Variants in ARHGEF3 observed in about 807,000 individuals in gnomAD.
ARHGEF3 encodes 59.8 kDA protein.
A neutral mutation model predicts 63.2 loss-of-function variants in ARHGEF3; 28 were observed. The observed-to-expected ratio is 0.44, with a 90% confidence interval of 0.33 to 0.61. The LOEUF (loss-of-function observed/expected upper bound fraction) is 0.61, where lower values mean the gene tolerates loss of function less well. Among genes scored for constraint, ARHGEF3 ranks in the 20% least tolerant of loss-of-function variants. The pLI is 0.03. For missense variants in ARHGEF3, 533 were observed against 659.3 expected, an observed-to-expected ratio of 0.81 and a Z score of 2.10; for synonymous variants, 266 against 254.2, an observed-to-expected ratio of 1.05 and a Z score of -0.44.
chr3:56,950,824 G>T (rs1348545828), intron 3 of ARHGEF3, among the ~76,000 whole-genome samples: 1 of 151,986 alleles, frequency 6.6e-6, no homozygotes, highest in Non-Finnish European at 1.5e-5. Context: ...AAAGACACAT[G>T]CACACGTATG....
chr3:56,922,006 A>C (rs2042155282), intron 3 of ARHGEF3, among the ~76,000 whole-genome samples: 1 of 152,098 alleles, frequency 6.6e-6, no homozygotes, highest in African/African-American at 2.4e-5. Flanking sequence ...ACAAATCTGA[A>C]CTTTTATAAC....
At chr3:56,853,526 G>A (rs771591459) in intron 4 of ARHGEF3, among the ~76,000 whole-genome samples, 23 of 152,102 alleles carry the variant, frequency 1.5e-4, no homozygotes, top group Non-Finnish European at 2.8e-4. Context: ...TAGTAGAGAC[G>A]GGGTTTCACT....
chr3:56,828,339 G>A lies in ARHGEF3; in HGVS notation c.192+53953C>T, dbSNP rs1011236573. 3.3e-5 allele frequency among the ~76,000 whole-genome samples: 5 copies of A among 152,240 alleles called. No homozygotes were observed. In the East Asian group the frequency reaches 9.7e-4, roughly 29 times the overall value. On this transcript the variant is annotated intron_variant, in intron 4 of 12. Transcript: ENST00000338458. ...TCATGAGGTCAGGAATTCGAGACCA[G>A]CCTGGCCAACATGGTGAAACCCTGT...
rs937506602 is a variant in ARHGEF3 at position 56,742,760 on chromosome 3, A to G, written c.870+2445T>C. ...TTCAAATGCAGGTATACCATGTTTC[A>G]TGCACAGATCTGCCTGAATAACTAG... On this transcript the variant is annotated intron_variant, in intron 7 of 9. Coordinates refer to ENST00000296315, the MANE Select transcript of ARHGEF3 (RefSeq NM_019555.3). 4.6e-5 allele frequency among the ~76,000 whole-genome samples: 7 copies of G among 152,232 alleles called. No homozygotes were observed. In the East Asian group the frequency reaches 1.2e-3, roughly 25 times the overall value.
At chr3:56,745,521 CG>C (rs2034323822) in intron 6 of ARHGEF3, 59 bp from the exon 7 acceptor site, 2 of 1,575,522 alleles carry the variant, frequency 1.3e-6, no homozygotes, top group African/African-American at 2.7e-5. Flanking sequence ...TCTGAGGCTA[CG>C]GTGGCATCAT....
At chr3:56,746,324 T>C (rs530984711) in intron 6 of ARHGEF3, among the ~76,000 whole-genome samples, 2 of 152,352 alleles carry the variant, frequency 1.3e-5, no homozygotes, top group Admixed American at 1.3e-4. Context: ...CTCACTACTT[T>C]GCATTGGGCC....
At chr3:56,953,176 C>G (rs534355956) in intron 3 of ARHGEF3, among the ~76,000 whole-genome samples, 1 of 152,196 alleles carries the variant, frequency 6.6e-6, no homozygotes, top group Admixed American at 6.5e-5. Context: ...GCTTCTTTTG[C>G]AGTGTAGAGA....
intron 2 of ARHGEF3, among the ~76,000 whole-genome samples, chr3:56,965,111 C>G (rs969438487): frequency 3.3e-5 from 5 of 152,058 alleles, no homozygotes; most frequent in African/African-American, 1.2e-4. Flanking sequence ...TTTAATTAAC[C>G]AGGCATGGTA....
At chr3:56,743,350 A>C (rs1410148594) in intron 7 of ARHGEF3, among the ~76,000 whole-genome samples, 3 of 152,238 alleles carry the variant, frequency 2.0e-5, no homozygotes, top group Non-Finnish European at 4.4e-5. Flanking sequence ...CAAAGGCAAC[A>C]GAAACTCAAA....
At chr3:57,038,652 C>G (rs1400525492) in intron 1 of ARHGEF3, among the ~76,000 whole-genome samples, 1 of 152,076 alleles carries the variant, frequency 6.6e-6, no homozygotes, top group African/African-American at 2.4e-5. Context: ...GCTATGTTGC[C>G]CAGGCTGGTC....
chr3:56,876,031 T>C (rs372512110), intron 4 of ARHGEF3, among the ~76,000 whole-genome samples: 1 of 151,790 alleles, frequency 6.6e-6, no homozygotes, highest in Non-Finnish European at 1.5e-5. Flanking sequence ...GAGCTAGATA[T>C]GAAGGGTAAG....
intron 7 of ARHGEF3, 77 bp downstream of exon 7, chr3:56,745,128 A>G (rs955862518): frequency 6.5e-7 from 1 of 1,528,040 alleles, no homozygotes; most frequent in Non-Finnish European, 8.9e-7. Context: ...GGACTCTTCC[A>G]TTCACCCACT....
At chr3:56,916,203 A>G in intron 3 of ARHGEF3, 1 of 1,392,656 alleles carries the variant, frequency 7.2e-7, no homozygotes, top group South Asian at 1.5e-5. Context: ...TTGGAAGGTA[A>G]AGAGAACACT....
chr3:57,003,547 C>T (rs1407245504), intron 2 of ARHGEF3, among the ~76,000 whole-genome samples: 1 of 151,850 alleles, frequency 6.6e-6, no homozygotes, highest in Non-Finnish European at 1.5e-5. Context: ...ATGTGGTGGG[C>T]TGAATAATGG....
chr3:57,002,479 T>TTATATATATATATGTTATA (rs1702251595), intron 2 of ARHGEF3, among the ~76,000 whole-genome samples: 1 of 39,472 alleles, frequency 2.5e-5, no homozygotes. Flanking sequence ...TATATATATG[T>TTATATATATATATGTTATA]TATATATATA....
rs75157863 is a variant in ARHGEF3 at position 57,009,159 on chromosome 3, C to T, written c.62+25929G>A. 1.1e-4 allele frequency among the ~76,000 whole-genome samples: 17 copies of T among 152,348 alleles called. No homozygotes were observed. The East Asian group carries it at 1.9e-3, about 17-fold the overall frequency. On this transcript the variant is annotated intron_variant, in intron 2 of 12. Transcript: ENST00000338458. ...AGTTTGAGGCTCCCATTCTGAGGTC[C>T]GGCTCCTCCCCACCCCTGCCCTTTA...
chr3:56,943,323 G>A (rs1699282373), intron 3 of ARHGEF3, among the ~76,000 whole-genome samples: 2 of 152,200 alleles, frequency 1.3e-5, no homozygotes, highest in South Asian at 4.1e-4. Flanking sequence ...TCTTAAGAAT[G>A]ATGCTAAATC....
Position 56,801,935 on chromosome 3 carries a change from G to C in ARHGEF3, c.-137C>G, listed in dbSNP as rs576599851. 9.1e-6 allele frequency: 14 copies of C among 1,537,718 alleles called. No individual in the cohort carries two copies. The highest frequency in any genetic ancestry group is 1.8e-4 in the Middle Eastern group (1 of 5,624). ...GGAGACCGACAGCCGGCTTCTAGCC[G>C]GGCAGGACTCGACTGGGCTCCGGAG... On this transcript the variant is annotated 5_prime_UTR_variant, in exon 1 of 10. Coordinates refer to ENST00000296315, the MANE Select transcript of ARHGEF3 (RefSeq NM_019555.3).
chr3:56,827,768 A>G (rs1177428245), intron 4 of ARHGEF3, among the ~76,000 whole-genome samples: 1 of 123,070 alleles, frequency 8.1e-6, no homozygotes, highest in Non-Finnish European at 1.7e-5. Flanking sequence ...AAAAAAAAAA[A>G]AAAAACAGAA....
Sources: allele counts gnomAD v4.1 joint callset (sites outside exome capture counted in the v4.1 genomes callset), GRCh38; gene constraint gnomAD v4.1.1; transcripts MANE v1.5; gene names NCBI Gene and HGNC (gene_info 2026-07-23, HGNC 2026-07-21).